APOB: variants seen among roughly 807,000 people sequenced by gnomAD.
The protein encoded by APOB is apolipoprotein B-100.
In APOB, 153 loss-of-function variants were observed where a neutral mutation model predicts 314.1. That is an observed-to-expected ratio of 0.49 (90% CI 0.43 to 0.56). APOB has a LOEUF of 0.56. Ranked by LOEUF, APOB falls within the 20% of genes least tolerant of loss-of-function variation. The pLI is 0.00. For missense variants in APOB, 5,430 were observed against 5,350.7 expected (o/e 1.01, Z -0.46); for synonymous variants, 2,087 against 2,036.4 (o/e 1.02, Z -0.67).
chr2:21,003,174 T>C lies in APOB; in HGVS notation c.12248A>G (p.Asp4083Gly). The C allele has an allele frequency of 6.2e-7, 1 of 1,614,024 alleles. No individual in the cohort carries two copies. Among genetic ancestry groups the C allele is most frequent in the Non-Finnish European group, 8.5e-7 (1 of 1,179,956 alleles). The part of the protein sequence containing the change: ...NVPKATGVLY[D>G]YVNKYHWEHT... ...TTCCCAGTGGTACTTGTTGACATAA[T>C]CATAAAGGACCCCTGTGGCCTTGGG... The change falls in exon 29 of 29, where the codon GAT (aspartate) becomes GGT (glycine). Residue 4083 changes from aspartate to glycine, a missense_variant. Physicochemically the swap from Asp to Gly is moderately conservative, Grantham distance 94. Coordinates refer to ENST00000233242, the MANE Select transcript of APOB (RefSeq NM_000384.3).
chr2:21,003,688 A>G (rs2678379), intron 28 of APOB, among the ~76,000 whole-genome samples: 114,046 of 152,024 alleles, frequency 0.75, 43,686 homozygotes, highest in Non-Finnish European at 0.78. Context: ...GACAGATAGG[A>G]AAAGAAGAAA....
chr2:21,001,833 G>A lies in APOB; in HGVS notation c.13589C>T (p.Thr4530Ile), dbSNP rs778140846. Residue 4530 changes from threonine (T) to isoleucine (I), a missense_variant, in exon 29 of 29, where the codon ACA (threonine) becomes ATA (isoleucine). Transcript: ENST00000233242. ...LIDLSIQNYH[T>I]FLIYITELLK... is the part of the protein sequence containing the mutation. ...TAACTCCGTGATGTATATCAGAAATGTGTGGTAGTTTTGAATGGACAGGTC... is the reference window on the plus strand; with the variant it reads ...TAACTCCGTGATGTATATCAGAAATATGTGGTAGTTTTGAATGGACAGGTC... The A allele has an allele frequency of 6.2e-7, 1 of 1,614,050 alleles. No individual in the cohort carries two copies. The highest frequency in any genetic ancestry group is 8.5e-7 in the Non-Finnish European group (1 of 1,179,954).
At position 21,007,370 on chromosome 2, in the gene APOB, C is replaced by T; in HGVS notation, c.9498G>A (p.Lys3166=). ...CTTTTACACTTAAATCAAATGATTGCTTTGTCGTTTTCAAGAATTCCTTCA... is the reference window on the plus strand; with the variant it reads ...CTTTTACACTTAAATCAAATGATTGTTTTGTCGTTTTCAAGAATTCCTTCA... ...TGLKEFLKTT[K]QSFDLSVKAQ... is the part of the protein sequence containing the mutation. The change falls in exon 26 of 29, where the codon AAG becomes AAA. Residue 3166 remains lysine (K), a synonymous_variant. Coordinates refer to ENST00000233242, the MANE Select transcript of APOB (RefSeq NM_000384.3). 1 of 1,613,888 alleles carries T rather than the reference C, an allele frequency of 6.2e-7. No individual in the cohort carries two copies. The highest frequency in any genetic ancestry group is 8.5e-7 in the Non-Finnish European group (1 of 1,179,928).
chr2:21,019,589 T>C (rs1010544655), intron 19 of APOB, 134 bp downstream of exon 19: 7 of 965,858 alleles, frequency 7.2e-6, no homozygotes, highest in Non-Finnish European at 1.1e-5. Context: ...CTGCTTTAAA[T>C]ACCCAAAGAT....
chr2:21,043,615 A>G, intron 1 of APOB, 64 bp from the exon 2 acceptor site: 1 of 1,558,146 alleles, frequency 6.4e-7, no homozygotes, highest in Non-Finnish European at 8.7e-7. Flanking sequence ...CTAGGGCCCG[A>G]CAGGGGGACC....
Position 21,001,933 on chromosome 2 carries a change from A to G in APOB, c.13489T>C (p.Tyr4497His), listed in dbSNP as rs751629013. The change falls in exon 29 of 29, where the codon TAT (tyrosine) becomes CAT (histidine). Residue 4497 changes from tyrosine to histidine, a missense_variant. Transcript: ENST00000233242. ...TGGTCTGAAAAATCTTGCAGTTTAT[A>G]TCTAAACTGCTGGTGGTAATCAGAA... ...IISDYHQQFR[Y>H]KLQDFSDQLS... 19 of 1,613,952 alleles carry G rather than the reference A, an allele frequency of 1.2e-5. No individual in the cohort carries two copies. The highest frequency in any genetic ancestry group is 1.4e-5 in the Non-Finnish European group (16 of 1,179,986).
chr2:21,013,239 G>A lies in APOB; in HGVS notation c.4137C>T (p.Ser1379=), dbSNP rs1453133322. Residue 1379 remains serine, a synonymous_variant, in exon 25 of 29, where the codon AGC becomes AGT. Transcript: ENST00000233242. ...GAGCCCGAAGGCTGAAATGGTCTGT[G>A]CTGGTGTTGCCACCACTGTAGGAGG... ...WSASYSGGNT[S]TDHFSLRARY... 1.9e-6 allele frequency: 3 copies of A among 1,614,198 alleles called. No homozygotes were observed. Among genetic ancestry groups the A allele is most frequent in the Middle Eastern group, 1.6e-4 (1 of 6,062 alleles).
At chr2:21,041,501 CA>C (rs1454089505) in intron 3 of APOB, among the ~76,000 whole-genome samples, 1 of 152,120 alleles carries the variant, frequency 6.6e-6, no homozygotes, top group African/African-American at 2.4e-5. Context: ...TAATGTCACC[CA>C]AAAAACTGGT....
rs763001382 is a variant in APOB, at chr2:21,002,177, T to C, written c.13245A>G (p.Leu4415=). 1.1e-5 allele frequency: 17 copies of C among 1,613,852 alleles called. No homozygotes were observed. The highest frequency in any genetic ancestry group is 6.6e-5 in the South Asian group (6 of 91,084). The change falls in exon 29 of 29, where the codon TTA becomes TTG. Residue 4415 remains leucine, a synonymous_variant. Coordinates refer to ENST00000233242, the MANE Select transcript of APOB (RefSeq NM_000384.3). ...EKIVSLIKNL[L]VALKDFHSEY... ...CAGAATGGAAGTCCTTAAGAGCAACTAACAGGTTCTTGATCAGACTGACTA... is the reference window on the plus strand; with the variant it reads ...CAGAATGGAAGTCCTTAAGAGCAACCAACAGGTTCTTGATCAGACTGACTA...
chr2:21,019,105 A>C lies in APOB; in HGVS notation c.3008T>G (p.Leu1003Arg), dbSNP rs1663540061. ...YPLTGDTRLE[L>R]ELRPTGEIEQ... ...AATCTCTCCTGTAGGCCTCAGTTCC[A>C]GCTCTAATCTAAAGACATTACAATG... Residue 1003 changes from leucine (L) to arginine (R), a missense_variant, in exon 20 of 29, where the codon CTG becomes CGG. By Grantham distance (102) the Leu-to-Arg change is moderately radical (BLOSUM62 -2). This residue lies in a region of APOB where 2,085 missense variants were observed against 2,079.7 expected (regional missense o/e 1.00). Coordinates refer to ENST00000233242, the MANE Select transcript of APOB (RefSeq NM_000384.3). 6.2e-7 allele frequency: 1 copy of C among 1,614,100 alleles called. No homozygotes were observed. The highest frequency in any genetic ancestry group is 8.5e-7 in the Non-Finnish European group (1 of 1,180,014).
intron 20 of APOB, 47 bp downstream of exon 20, chr2:21,018,945 C>T (rs747895145): frequency 2.5e-5 from 41 of 1,613,220 alleles, no homozygotes; most frequent in Non-Finnish European, 3.3e-5. Flanking sequence ...GAATTCTGAA[C>T]CTGAGACTGC....
At position 21,002,317 on chromosome 2, in the gene APOB, C is replaced by G. The variant is rs1049932199; in HGVS notation, c.13105G>C (p.Glu4369Gln). The change falls in exon 29 of 29, where the codon GAA becomes CAA. Residue 4369 changes from glutamate to glutamine, a missense_variant. Glu to Gln is a conservative substitution (Grantham distance 29, BLOSUM62 2). Around this residue, in one of 3 missense-constraint regions of APOB, gnomAD observed 3,281 missense variants for 3,171.0 expected, o/e 1.03. Coordinates refer to ENST00000233242, the MANE Select transcript of APOB (RefSeq NM_000384.3). ...ATCTGCTGTAACTCTTGAGAAGCTT[C>G]CTGAAGCTCGTTTTGAATAAATTCA... ...FNEFIQNELQEASQELQQIHQ... is the reference protein window; with the variant it reads ...FNEFIQNELQQASQELQQIHQ... 1.2e-6 allele frequency: 2 copies of G among 1,612,974 alleles called. No homozygotes were observed. Among genetic ancestry groups the G allele is most frequent in the African/African-American group, 2.7e-5 (2 of 74,864 alleles).
At chr2:21,032,623 AG>A (rs1663909240) in intron 9 of APOB, 42 bp from the exon 10 acceptor site, 1 of 1,490,846 alleles carries the variant, frequency 6.7e-7, no homozygotes, top group Non-Finnish European at 9.3e-7. Context: ...GACCACCTTC[AG>A]GGCACATAAA....
Position 21,001,468 on chromosome 2 carries a change from C to T in APOB, c.*262G>A. The T allele has an allele frequency of 1.8e-5, 8 of 448,088 alleles. 1 individual carries two copies. In the South Asian group the frequency reaches 2.1e-4, roughly 12 times the overall value. The allele number at this position is 448,088 out of a possible 1,614,324, so 27.8% of individuals were successfully genotyped here. A position where few individuals can be genotyped will look rare whatever the true frequency, so the allele number is the denominator to read the frequency against. On this transcript the variant is annotated 3_prime_UTR_variant, in exon 29 of 29. Coordinates refer to ENST00000233242, the MANE Select transcript of APOB (RefSeq NM_000384.3). ...AAGACTCCATTTATTTGTTCCTCCT[C>T]CCCCAAGTTTAGCAAAATAACTCAG...
intron 12 of APOB, 82 bp from the exon 13 acceptor site, chr2:21,028,620 T>C: frequency 2.1e-6 from 2 of 940,476 alleles, no homozygotes. Context: ...CATTGTCTGC[T>C]AGCTCTTTCT....
chr2:21,003,769 G>A (rs1663059024), intron 28 of APOB, among the ~76,000 whole-genome samples: 1 of 152,132 alleles, frequency 6.6e-6, no homozygotes, highest in African/African-American at 2.4e-5. Context: ...CATTCTCCAA[G>A]CCCATGACAA....
chr2:21,001,978 T>A lies in APOB; in HGVS notation c.13444A>T (p.Ile4482Phe), dbSNP rs142702699. 6.2e-7 allele frequency: 1 copy of A among 1,614,036 alleles called. No homozygotes were observed. The highest frequency in any genetic ancestry group is 2.2e-5 in the East Asian group (1 of 44,870). The change falls in exon 29 of 29, where the codon ATT becomes TTT. Residue 4482 changes from isoleucine (I) to phenylalanine (F), a missense_variant. Coordinates refer to ENST00000233242, the MANE Select transcript of APOB (RefSeq NM_000384.3). ...TCAGAAATTATTTTCTTCGTCGCAA[T>A]GGCCTGGCTTTTAATTATTTCCTGA... ...TAQEIIKSQA[I>F]ATKKIISDYH... is the part of the protein sequence containing the mutation.
chr2:21,002,726 A>T lies in APOB; in HGVS notation c.12696T>A (p.Tyr4232Ter), dbSNP rs1466172660. ...TTTCTGAACCATTATGGACTTTCGA[A>T]TATACCTGGGACAGTACCGTCCCTA... ...REVGTVLSQV[Y>*]SKVHNGSEIL... The change falls in exon 29 of 29, where the codon TAT becomes TAA. Residue 4232 changes from tyrosine (Y) to a stop codon, truncating the protein, a stop_gained. Transcript: ENST00000233242. LOFTEE classifies it low-confidence loss of function (END_TRUNC). The T allele has an allele frequency of 2.3e-5, 37 of 1,613,272 alleles. No individual in the cohort carries two copies. Among genetic ancestry groups the T allele is most frequent in the Non-Finnish European group, 3.1e-5 (37 of 1,179,646 alleles).
At position 21,043,471 on chromosome 2, in the gene APOB, G is replaced by C. The variant is rs765763812; in HGVS notation, c.121+42C>G. On this transcript the variant is annotated intron_variant, in intron 2 of 28. Coordinates refer to ENST00000233242, the MANE Select transcript of APOB (RefSeq NM_000384.3). ...GGGACCCGGGTGTAGGAGAGTGCAC[G>C]GGGCTGGGCGCCCTTCCACGCCCCA... is the stretch of plus-strand genomic sequence containing the variant. 6 of 1,580,408 alleles carry C rather than the reference G, an allele frequency of 3.8e-6. 1 individual carries two copies. Among genetic ancestry groups the C allele is most frequent in the Admixed American group, 1.8e-5 (1 of 54,834 alleles).
Sources: gnomAD v4.1 joint callset for allele counts (sites outside exome capture counted in the v4.1 genomes callset) on GRCh38, gnomAD v4.1.1 for gene constraint, gnomAD v4.1.1 regional missense constraint, MANE v1.5 for transcripts, NCBI Gene and HGNC (gene_info 2026-07-23, HGNC 2026-07-21) for gene names.